PRAG1: variants seen among roughly 807,000 people sequenced by gnomAD.
PRAG1 encodes inactive tyrosine-protein kinase PRAG1.
Under a neutral mutation model 95.6 loss-of-function variants are expected in PRAG1, and 110 were observed. That is an observed-to-expected ratio of 1.15 (90% CI 0.99 to 1.35). The LOEUF is 1.35. Among genes scored for constraint, PRAG1 ranks in the 40% most tolerant of loss-of-function variants. The pLI is 0.00. For synonymous variants in PRAG1, 1,052 were observed against 819.4 expected, an observed-to-expected ratio of 1.28 and a Z score of -4.85; for missense variants, 2,554 against 1,864.7, an observed-to-expected ratio of 1.37 and a Z score of -6.81.
At chr8:8,344,778 A>G (rs2980489) in intron 3 of PRAG1, among the ~76,000 whole-genome samples, 65,818 of 151,958 alleles carry the variant, frequency 0.43, 18,302 homozygotes, top group African/African-American at 0.8. Flanking sequence ...GCGCCTCTGG[A>G]AGGCAAACAA....
chr8:8,342,820 G>A (rs1799216394), intron 3 of PRAG1, among the ~76,000 whole-genome samples: 1 of 152,000 alleles, frequency 6.6e-6, no homozygotes, highest in South Asian at 2.1e-4. Flanking sequence ...AAAAAATAAC[G>A]AGAAAACTTT....
intron 3 of PRAG1, among the ~76,000 whole-genome samples, chr8:8,375,677 A>G (rs1331165889): frequency 3.3e-5 from 5 of 152,104 alleles, no homozygotes; most frequent in Non-Finnish European, 5.9e-5. Context: ...TTTTAACTTT[A>G]ACTTTAAAAA....
intron 3 of PRAG1, among the ~76,000 whole-genome samples, chr8:8,371,712 T>C (rs1800212460): frequency 6.6e-6 from 1 of 151,920 alleles, no homozygotes; most frequent in Non-Finnish European, 1.5e-5. Flanking sequence ...TCTACAAAAA[T>C]ATAAAAATTA....
chr8:8,374,809 A>G (rs1800324963), intron 3 of PRAG1: 2 of 459,568 alleles, frequency 4.4e-6, no homozygotes, highest in Admixed American at 1.3e-4. Context: ...GTTAGATCAC[A>G]TCAGTGCCTG....
At position 8,319,002 on chromosome 8, in the gene PRAG1, G is replaced by T; in HGVS notation, c.3373C>A (p.Leu1125Met). The change falls in exon 6 of 6, where the codon CTG becomes ATG. Residue 1125 changes from leucine to methionine, a missense_variant. Leu to Met is a conservative substitution (Grantham distance 15). Transcript: ENST00000615670. ...PEAYERRVCF[L>M]LLQLCNGLEH... ...AGCCCGTTGCAGAGTTGCAGAAGCA[G>T]GAAGCACACGCGCCGCTCGTACGCC... The T allele has an allele frequency of 6.2e-7, 1 of 1,613,488 alleles. No individual in the cohort carries two copies.
intron 3 of PRAG1, among the ~76,000 whole-genome samples, chr8:8,374,399 C>T (rs1285563269): frequency 2.6e-5 from 4 of 152,214 alleles, no homozygotes; most frequent in African/African-American, 4.8e-5. Context: ...TTTACTCTCA[C>T]GCCCTGCTCA....
chr8:8,339,474 T>C lies in PRAG1; in HGVS notation c.2320+4A>G. On this transcript the variant is annotated splice_donor_region_variant and intron_variant, in intron 4 of 5. Transcript: ENST00000615670. ...AGCCTCTCCGTCAATGTCAAGTTTG[T>C]TACCTCCATCGCTGCAGGTCCTAGA... is the stretch of plus-strand genomic sequence containing the variant. The C allele has an allele frequency of 6.2e-7, 1 of 1,613,542 alleles. No homozygotes were observed. The highest frequency in any genetic ancestry group is 8.5e-7 in the Non-Finnish European group (1 of 1,179,680).
rs77606898 is a variant in PRAG1, at chr8:8,338,189, C to T, written c.2320+1289G>A. On this transcript the variant is annotated intron_variant, in intron 4 of 5. Coordinates refer to ENST00000615670, the MANE Select transcript of PRAG1 (RefSeq NM_001080826.3). ...TGTTCTGGGCTGCCCAATATCCTAC[C>T]ATATCCCATCCACCCATGTACCATG... Among the ~76,000 whole-genome samples the T allele has an allele frequency of 4.6e-3, 699 of 152,310 alleles. 6 individuals carry two copies. Among genetic ancestry groups the T allele is most frequent in the African/African-American group, 0.016 (675 of 41,564 alleles).
At chr8:8,376,106 C>A (rs976722456) in intron 3 of PRAG1, 141 bp downstream of exon 3, 31 of 1,179,724 alleles carry the variant, frequency 2.6e-5, no homozygotes, top group Non-Finnish European at 3.6e-5. Flanking sequence ...GCACTGGGAC[C>A]CTGGGAAATT....
intron 5 of PRAG1, among the ~76,000 whole-genome samples, chr8:8,324,691 A>C (rs931006632): frequency 6.6e-6 from 1 of 151,974 alleles, no homozygotes; most frequent in Non-Finnish European, 1.5e-5. Context: ...CTGAGCCAGG[A>C]CTCATTTAAA....
At chr8:8,383,522 A>G (rs569799874) in intron 1 of PRAG1, among the ~76,000 whole-genome samples, 2 of 152,308 alleles carry the variant, frequency 1.3e-5, no homozygotes, top group South Asian at 4.1e-4. Flanking sequence ...TCAAGGCTGC[A>G]GTGAGCCATG....
At chr8:8,352,907 C>G (rs940564032) in intron 3 of PRAG1, among the ~76,000 whole-genome samples, 5 of 151,982 alleles carry the variant, frequency 3.3e-5, no homozygotes, top group Non-Finnish European at 7.4e-5. Flanking sequence ...CAAAAGAGAG[C>G]AGAGATGGCA....
intron 5 of PRAG1, among the ~76,000 whole-genome samples, chr8:8,321,587 A>C (rs1032865535): frequency 6.6e-6 from 1 of 152,226 alleles, no homozygotes; most frequent in African/African-American, 2.4e-5. Flanking sequence ...TACTGTGCCA[A>C]CTGTGAGGGT....
intron 3 of PRAG1, among the ~76,000 whole-genome samples, chr8:8,375,511 T>A (rs1195348923): frequency 6.6e-6 from 1 of 152,128 alleles, no homozygotes; most frequent in Non-Finnish European, 1.5e-5. Flanking sequence ...CATTTTTTTC[T>A]TTAAAAACCC....
intron 4 of PRAG1, among the ~76,000 whole-genome samples, chr8:8,335,748 C>A (rs984121919): frequency 1.3e-5 from 2 of 151,318 alleles, no homozygotes; most frequent in African/African-American, 4.8e-5. Context: ...TTTCTCCTGG[C>A]ACTCGCTGCC....
At chr8:8,373,062 T>C (rs1258292689) in intron 3 of PRAG1, among the ~76,000 whole-genome samples, 1 of 152,204 alleles carries the variant, frequency 6.6e-6, no homozygotes, top group African/African-American at 2.4e-5. Context: ...GTTGACCTTG[T>C]ATGTTGCTTG....
intron 3 of PRAG1, among the ~76,000 whole-genome samples, chr8:8,346,722 G>C (rs191043375): frequency 1.1e-4 from 16 of 152,320 alleles, no homozygotes; most frequent in Non-Finnish European, 8.8e-5. Flanking sequence ...GCAGCAGAGA[G>C]TGAATCTCAC....
At chr8:8,336,950 C>T (rs1195000478) in intron 4 of PRAG1, among the ~76,000 whole-genome samples, 1 of 125,692 alleles carries the variant, frequency 8.0e-6, no homozygotes, top group African/African-American at 3.0e-5. Flanking sequence ...GAATCACTAA[C>T]TTTAGCCATT....
intron 3 of PRAG1, among the ~76,000 whole-genome samples, chr8:8,347,030 G>A (rs1182193271): frequency 1.3e-5 from 2 of 152,198 alleles, no homozygotes; most frequent in Admixed American, 6.5e-5. Context: ...TCAAATAAAT[G>A]TTCTGAAAGC....
Sources: allele counts gnomAD v4.1 joint callset (sites outside exome capture counted in the v4.1 genomes callset), GRCh38; gene constraint gnomAD v4.1.1; transcripts MANE v1.5; gene names NCBI Gene and HGNC (gene_info 2026-07-23, HGNC 2026-07-21).